TMEM163: variants seen among roughly 807,000 people sequenced by gnomAD.
TMEM163 encodes the protein transmembrane protein 163.
TMEM163 carries 17 observed loss-of-function variants against 29.3 expected under a neutral mutation model. The observed-to-expected ratio is 0.58, with a 90% confidence interval of 0.40 to 0.87. The LOEUF is 0.87. TMEM163 is among the 40% of genes least tolerant of loss of function. TMEM163 has a pLI of 0.00. For synonymous variants in TMEM163, 157 were observed against 160.6 expected, an observed-to-expected ratio of 0.98 and a Z score of 0.17; for missense variants, 303 against 381.5, an observed-to-expected ratio of 0.79 and a Z score of 1.71.
intron 4 of TMEM163, among the ~76,000 whole-genome samples, chr2:134,538,940 A>G (rs1187422565): frequency 2.0e-5 from 3 of 152,166 alleles, no homozygotes; most frequent in Non-Finnish European, 2.9e-5. Flanking sequence ...TGACTATACT[A>G]AAAGCCATTG....
chr2:134,708,172 C>T (rs1432861425), intron 2 of TMEM163, among the ~76,000 whole-genome samples: 2 of 152,196 alleles, frequency 1.3e-5, no homozygotes, highest in Non-Finnish European at 2.9e-5. Flanking sequence ...TAGGCATGAG[C>T]CACCATGCCT....
chr2:134,622,128 C>T (rs933020906), intron 2 of TMEM163, among the ~76,000 whole-genome samples: 3 of 152,062 alleles, frequency 2.0e-5, no homozygotes, highest in Non-Finnish European at 4.4e-5. Flanking sequence ...CTACAGAAAC[C>T]GAAAGCAGAT....
chr2:134,674,860 G>A (rs976854719), intron 2 of TMEM163, among the ~76,000 whole-genome samples: 3 of 152,122 alleles, frequency 2.0e-5, no homozygotes, highest in African/African-American at 7.2e-5. Context: ...TCCAACCTCA[G>A]ACTGGCACTA....
At position 134,572,465 on chromosome 2, in the gene TMEM163, A is replaced by G. The variant is rs140933865; in HGVS notation, c.323-20374T>C. On this transcript the variant is annotated intron_variant, in intron 2 of 7. Coordinates refer to ENST00000281924, the MANE Select transcript of TMEM163 (RefSeq NM_030923.5). The stretch of plus-strand genomic sequence containing the variant: ...TACCTCTCCAATCCTATTTAATTAT[A>G]TCTGAAAATATCCAGTTCATTACCA... 2.4e-3 allele frequency among the ~76,000 whole-genome samples: 366 copies of G among 152,352 alleles called. 2 individuals carry two copies. The highest frequency in any genetic ancestry group is 6.8e-3 in the Middle Eastern group (2 of 294).
intron 4 of TMEM163, among the ~76,000 whole-genome samples, chr2:134,530,372 C>T (rs182391977): frequency 1.3e-5 from 2 of 152,264 alleles, no homozygotes; most frequent in Admixed American, 1.3e-4. Flanking sequence ...ACCTCCTACC[C>T]TCAATCAATC....
chr2:134,691,169 G>C (rs184837642), intron 2 of TMEM163, among the ~76,000 whole-genome samples: 1 of 152,188 alleles, frequency 6.6e-6, no homozygotes, highest in Non-Finnish European at 1.5e-5. Context: ...AGGACTTTGG[G>C]GAGAACAGGG....
intron 4 of TMEM163, among the ~76,000 whole-genome samples, chr2:134,538,213 G>A (rs1273870671): frequency 6.6e-6 from 1 of 152,152 alleles, no homozygotes; most frequent in Non-Finnish European, 1.5e-5. Context: ...CTCATGAATG[G>A]GATTAGTGTC....
At chr2:134,713,594 C>A (rs1684974723) in intron 1 of TMEM163, 1 of 573,818 alleles carries the variant, frequency 1.7e-6, no homozygotes, top group Non-Finnish European at 3.3e-6. Context: ...GACCCCACCA[C>A]TCCTTGACAT....
At chr2:134,489,410 T>C (rs953121517) in intron 5 of TMEM163, among the ~76,000 whole-genome samples, 1 of 151,940 alleles carries the variant, frequency 6.6e-6, no homozygotes, top group Non-Finnish European at 1.5e-5. Flanking sequence ...AAACCCCGTC[T>C]CTACTAAAAA....
intron 5 of TMEM163, among the ~76,000 whole-genome samples, chr2:134,471,406 A>T (rs1686797699): frequency 6.6e-6 from 1 of 152,160 alleles, no homozygotes; most frequent in Non-Finnish European, 1.5e-5. Flanking sequence ...GAAAGGCCAC[A>T]TGAGGACACA....
intron 6 of TMEM163, among the ~76,000 whole-genome samples, chr2:134,464,519 C>T (rs1212434415): frequency 1.3e-5 from 2 of 152,096 alleles, no homozygotes; most frequent in Non-Finnish European, 1.5e-5. Flanking sequence ...TCCTGTAACC[C>T]CCAACATCTT....
At chr2:134,613,243 G>A (rs1682543695) in intron 2 of TMEM163, among the ~76,000 whole-genome samples, 1 of 152,082 alleles carries the variant, frequency 6.6e-6, no homozygotes, top group African/African-American at 2.4e-5. Context: ...AAAGCTAAAG[G>A]AAAATTAAGT....
chr2:134,617,039 A>C (rs1411775619), intron 2 of TMEM163, among the ~76,000 whole-genome samples: 1 of 152,202 alleles, frequency 6.6e-6, no homozygotes, highest in Non-Finnish European at 1.5e-5. Context: ...CAAAAATAAA[A>C]GACTGTATGA....
chr2:134,640,623 G>T (rs1296708963), intron 2 of TMEM163, among the ~76,000 whole-genome samples: 2 of 152,162 alleles, frequency 1.3e-5, no homozygotes, highest in Non-Finnish European at 2.9e-5. Context: ...TCAAGCCTGA[G>T]ACTAGCCTCC....
At chr2:134,568,610 A>G (rs1681351880) in intron 2 of TMEM163, among the ~76,000 whole-genome samples, 1 of 151,542 alleles carries the variant, frequency 6.6e-6, no homozygotes, top group African/African-American at 2.4e-5. Flanking sequence ...GAAAGAAAGA[A>G]GGAAAAGAAA....
At chr2:134,600,529 G>C in intron 2 of TMEM163, among the ~76,000 whole-genome samples, 1 of 152,050 alleles carries the variant, frequency 6.6e-6, no homozygotes, top group East Asian at 1.9e-4. Context: ...TTTAAGACTT[G>C]GTTTATTAAT....
chr2:134,503,340 C>G (rs1014472469), intron 4 of TMEM163, among the ~76,000 whole-genome samples: 35 of 152,326 alleles, frequency 2.3e-4, no homozygotes, highest in Middle Eastern at 3.4e-3. Context: ...AACGGGAAGG[C>G]ACATGGTTTA....
intron 5 of TMEM163, 71 bp downstream of exon 5, chr2:134,502,830 C>A (rs1428526506): frequency 1.4e-6 from 2 of 1,395,456 alleles, no homozygotes; most frequent in East Asian, 4.7e-5. Context: ...ACCCGGGAAC[C>A]CTGCGATAAG....
chr2:134,632,369 T>C (rs2104833040), intron 2 of TMEM163, among the ~76,000 whole-genome samples: 1 of 152,234 alleles, frequency 6.6e-6, no homozygotes, highest in South Asian at 2.1e-4. Context: ...ATGAGGAAAA[T>C]TATTTCAACC....
Sources: gnomAD v4.1 joint callset for allele counts (sites outside exome capture counted in the v4.1 genomes callset) on GRCh38, gnomAD v4.1.1 for gene constraint, MANE v1.5 for transcripts, NCBI Gene and HGNC (gene_info 2026-07-23, HGNC 2026-07-21) for gene names.